KCND3: variants seen among roughly 807,000 people sequenced by gnomAD.
The protein encoded by KCND3 is potassium voltage-gated channel subfamily D member 3.
KCND3 carries 9 observed loss-of-function variants against 51.1 expected under a neutral mutation model. That is an observed-to-expected ratio of 0.18 (90% CI 0.11 to 0.31). KCND3 has a LOEUF of 0.31. Ranked by LOEUF, KCND3 falls within the 10% of genes least tolerant of loss-of-function variation. The pLI is 1.00. For missense variants in KCND3, 526 were observed against 903.8 expected (o/e 0.58, Z 5.36); for synonymous variants, 349 against 368.0 (o/e 0.95, Z 0.59).
intron 2 of KCND3, among the ~76,000 whole-genome samples, chr1:111,969,979 T>G (rs887645307): frequency 7.2e-5 from 11 of 152,138 alleles, no homozygotes; most frequent in Admixed American, 5.2e-4. Context: ...CTTTCTCTCT[T>G]TTTTTCATAG....
intron 2 of KCND3, among the ~76,000 whole-genome samples, chr1:111,876,395 C>T (rs1397441907): frequency 6.6e-6 from 1 of 152,244 alleles, no homozygotes; most frequent in Non-Finnish European, 1.5e-5. Flanking sequence ...CTCAGCACTG[C>T]AAGGTGGCTG....
intron 2 of KCND3, among the ~76,000 whole-genome samples, chr1:111,802,278 C>T (rs1027094562): frequency 6.6e-6 from 1 of 152,202 alleles, no homozygotes; most frequent in African/African-American, 2.4e-5. Context: ...GTCCCTCTGT[C>T]AACACCACAG....
intron 2 of KCND3, among the ~76,000 whole-genome samples, chr1:111,867,730 G>A (rs543114999): frequency 2.0e-5 from 3 of 152,340 alleles, no homozygotes; most frequent in African/African-American, 7.2e-5. Context: ...TCCAAGGAAA[G>A]CATGGCAGGC....
intron 2 of KCND3, among the ~76,000 whole-genome samples, chr1:111,853,209 A>T (rs549024521): frequency 1.3e-5 from 2 of 152,356 alleles, no homozygotes; most frequent in South Asian, 4.1e-4. Flanking sequence ...ACTGGGCTGG[A>T]ATTTCCAGCA....
intron 2 of KCND3, among the ~76,000 whole-genome samples, chr1:111,862,790 T>C (rs1668394687): frequency 6.6e-6 from 1 of 152,206 alleles, no homozygotes; most frequent in African/African-American, 2.4e-5. Flanking sequence ...GGTAAAGCAT[T>C]TGGAACAGTG....
chr1:111,914,884 T>G (rs1003049758), intron 2 of KCND3, among the ~76,000 whole-genome samples: 10 of 152,192 alleles, frequency 6.6e-5, no homozygotes, highest in Non-Finnish European at 1.2e-4. Context: ...TTGTACTCAT[T>G]TTTGAAGTCT....
chr1:111,898,089 G>T (rs1372655797), intron 2 of KCND3, among the ~76,000 whole-genome samples: 1 of 152,108 alleles, frequency 6.6e-6, no homozygotes, highest in Admixed American at 6.5e-5. Context: ...ATGACCCTAC[G>T]CATGGTCCTT....
chr1:111,844,618 T>C (rs963255355), intron 2 of KCND3, among the ~76,000 whole-genome samples: 1 of 152,176 alleles, frequency 6.6e-6, no homozygotes, highest in African/African-American at 2.4e-5. Flanking sequence ...TGTTCATCCC[T>C]TTCCTCAAGC....
chr1:111,819,081 A>C (rs1415240161), intron 2 of KCND3, among the ~76,000 whole-genome samples: 1 of 151,996 alleles, frequency 6.6e-6, no homozygotes, highest in East Asian at 1.9e-4. Flanking sequence ...TTGGATTTGA[A>C]CCCACCCAGG....
At chr1:111,880,375 A>C (rs142510510) in intron 2 of KCND3, among the ~76,000 whole-genome samples, 8 of 152,276 alleles carry the variant, frequency 5.3e-5, no homozygotes, top group Non-Finnish European at 1.0e-4. Context: ...AACTGAGAAC[A>C]GGGTGGGGCG....
chr1:111,920,805 G>A (rs188886602), intron 2 of KCND3, among the ~76,000 whole-genome samples: 1 of 152,340 alleles, frequency 6.6e-6, no homozygotes, highest in Admixed American at 6.5e-5. Context: ...TAACCAAGAT[G>A]GGGCTGCCTT....
Position 111,981,236 on chromosome 1 carries a change from C to A in KCND3, c.1106+385G>T, listed in dbSNP as rs1380636781. On this transcript the variant is annotated intron_variant, in intron 2 of 7. Transcript: ENST00000302127. This position sits in a 1 kb window ranked among gnomAD's most constrained non-coding sequence, Gnocchi z 6.2. The stretch of plus-strand genomic sequence containing the variant: ...TGAACCCTCCGAACTTCTCAACAGT[C>A]TCCTCCCTCCCCAACAACTGCCCTG... Among the ~76,000 whole-genome samples the A allele has an allele frequency of 6.6e-6, 1 of 152,020 alleles. No homozygotes were observed. Among genetic ancestry groups the A allele is most frequent in the Non-Finnish European group, 1.5e-5 (1 of 68,012 alleles).
chr1:111,887,555 A>G (rs922297692), intron 2 of KCND3, among the ~76,000 whole-genome samples: 5 of 152,160 alleles, frequency 3.3e-5, no homozygotes, highest in African/African-American at 1.2e-4. Flanking sequence ...CAAAAGGCAA[A>G]TGACCCCCGG....
chr1:111,813,753 G>T lies in KCND3; in HGVS notation c.1107-26647C>A, dbSNP rs1403904273. Among the ~76,000 whole-genome samples, 3 of 152,252 alleles carry T rather than the reference G, an allele frequency of 2.0e-5. No individual in the cohort carries two copies. In the East Asian group the frequency reaches 5.8e-4, roughly 29 times the overall value. ...CTAGAACCTGCTAGGAGCCAGGCAG[G>T]CCTCACTGGTGGCTGCCCTTAATTC... On this transcript the variant is annotated intron_variant, in intron 2 of 7. Coordinates refer to ENST00000302127, the MANE Select transcript of KCND3 (RefSeq NM_001378969.1).
Position 111,982,710 on chromosome 1 carries a change from G to C in KCND3, c.17C>G (p.Ala6Gly). 1 of 1,603,428 alleles carries C rather than the reference G, an allele frequency of 6.2e-7. No individual in the cohort carries two copies. The highest frequency in any genetic ancestry group is 8.5e-7 in the Non-Finnish European group (1 of 1,178,958). MAAGV[A>G]AWLPFARAAA... The stretch of plus-strand genomic sequence containing the variant: ...AGCCCGGGCAAAAGGCAGCCAGGCC[G>C]CAACTCCGGCCGCCATGGTGACTCC... Residue 6 changes from alanine (A) to glycine (G), a missense_variant, in exon 2 of 8, where the codon GCG becomes GGG. Coordinates refer to ENST00000302127, the MANE Select transcript of KCND3 (RefSeq NM_001378969.1). This position sits in a 1 kb window ranked among gnomAD's most constrained non-coding sequence, Gnocchi z 8.5.
chr1:111,851,417 C>T (rs1667810902), intron 2 of KCND3, among the ~76,000 whole-genome samples: 1 of 152,144 alleles, frequency 6.6e-6, no homozygotes. Flanking sequence ...TGTTCATCTT[C>T]TAAAAGCCAG....
At chr1:111,812,436 T>C (rs1156657146) in intron 2 of KCND3, among the ~76,000 whole-genome samples, 2 of 152,182 alleles carry the variant, frequency 1.3e-5, no homozygotes, top group African/African-American at 2.4e-5. Context: ...GCCATCAGAT[T>C]GCAATGTGGC....
intron 2 of KCND3, among the ~76,000 whole-genome samples, chr1:111,882,223 T>C (rs1326273540): frequency 2.0e-5 from 3 of 152,186 alleles, no homozygotes; most frequent in Admixed American, 6.5e-5. Flanking sequence ...TGAAAATATT[T>C]TTCTTTGGGA....
intron 2 of KCND3, among the ~76,000 whole-genome samples, chr1:111,954,899 G>A (rs901507537): frequency 2.0e-4 from 31 of 152,160 alleles, no homozygotes; most frequent in African/African-American, 6.8e-4. Flanking sequence ...TTGTGACATA[G>A]GTCCTCCTCC....
Sources: allele counts gnomAD v4.1 joint callset (sites outside exome capture counted in the v4.1 genomes callset), GRCh38; gene constraint gnomAD v4.1.1; non-coding constraint Gnocchi (gnomAD v3.1); transcripts MANE v1.5; gene names NCBI Gene and HGNC (gene_info 2026-07-23, HGNC 2026-07-21).